Variants in MAP2K1 observed in about 807,000 individuals in gnomAD.
The protein encoded by MAP2K1 is dual specificity mitogen-activated protein kinase kinase 1.
MAP2K1 carries 16 observed loss-of-function variants against 46.3 expected under a neutral mutation model. The ratio of observed to expected loss-of-function variants is 0.35; its 90% confidence interval spans 0.23 to 0.52. The LOEUF is 0.52. MAP2K1 is among the 20% of genes least tolerant of loss of function. The pLI, the probability that MAP2K1 is intolerant of heterozygous loss-of-function variation, is 0.94. For synonymous variants in MAP2K1, 183 were observed against 185.6 expected (o/e 0.99, Z 0.11); for missense variants, 263 against 497.1 (o/e 0.53, Z 4.48).
chr15:66,489,600 A>C, intron 9 of MAP2K1, 118 bp from the exon 10 acceptor site: 1 of 833,656 alleles, frequency 1.2e-6, no homozygotes. Context: ...CAGGAGGATG[A>C]ATCAAGCCCA....
At chr15:66,388,096 C>T (rs1177229730) in intron 1 of MAP2K1, among the ~76,000 whole-genome samples, 2 of 152,142 alleles carry the variant, frequency 1.3e-5, no homozygotes, top group African/African-American at 4.8e-5. Flanking sequence ...TAATGATTTC[C>T]TAGCTTTCCG....
intron 5 of MAP2K1, among the ~76,000 whole-genome samples, chr15:66,467,357 G>A (rs1408363452): frequency 6.6e-6 from 1 of 152,188 alleles, no homozygotes; most frequent in Non-Finnish European, 1.5e-5. Context: ...CCTGGGCATA[G>A]ACAGAACTAA....
intron 5 of MAP2K1, 138 bp from the exon 6 acceptor site, chr15:66,481,617 C>T: frequency 1.0e-6 from 1 of 952,952 alleles, no homozygotes; most frequent in Non-Finnish European, 1.7e-6. Flanking sequence ...GTTTGCAAGC[C>T]AAGGGCTGCC....
intron 5 of MAP2K1, among the ~76,000 whole-genome samples, chr15:66,478,239 T>C (rs1892806608): frequency 7.0e-6 from 1 of 142,702 alleles, no homozygotes; most frequent in Non-Finnish European, 1.5e-5. Flanking sequence ...AGGGTTTTAT[T>C]ATATATATAT....
chr15:66,471,732 C>T (rs1222316028), intron 5 of MAP2K1, among the ~76,000 whole-genome samples: 1 of 152,028 alleles, frequency 6.6e-6, no homozygotes. Context: ...TAATTGTATC[C>T]AGGGACTCAA....
At position 66,489,378 on chromosome 15, in the gene MAP2K1, G is replaced by C. The variant is rs554792949; in HGVS notation, c.1022+102G>C. 1.0e-5 allele frequency: 12 copies of C among 1,145,950 alleles called. No individual in the cohort carries two copies. In the East Asian group the frequency reaches 2.6e-4, roughly 25 times the overall value. 71.0% of individuals were successfully genotyped at this position (1,145,950 alleles called of 1,614,324 possible). On this transcript the variant is annotated intron_variant, in intron 9 of 10. Transcript: ENST00000307102. Reference sequence around the variant, plus strand: ...GCATTGCTTCTGCAGGCAGAGTTTTGCCCTTTACCCTCCCGTCTGATGATT... The same window carrying C: ...GCATTGCTTCTGCAGGCAGAGTTTTCCCCTTTACCCTCCCGTCTGATGATT...
At chr15:66,436,337 C>T (rs1017789815) in intron 2 of MAP2K1, among the ~76,000 whole-genome samples, 3 of 152,202 alleles carry the variant, frequency 2.0e-5, no homozygotes, top group Non-Finnish European at 2.9e-5. Flanking sequence ...TAGTCTCAAC[C>T]ACATCAGGCT....
chr15:66,457,284 ATTT>A (rs1456852705), intron 5 of MAP2K1, among the ~76,000 whole-genome samples: 1 of 151,952 alleles, frequency 6.6e-6, no homozygotes, highest in Non-Finnish European at 1.5e-5. Context: ...ACGCCTGCTA[ATTT>A]TTTTGTATTT....
intron 1 of MAP2K1, among the ~76,000 whole-genome samples, chr15:66,396,425 A>G (rs2093367702): frequency 6.6e-6 from 1 of 151,662 alleles, no homozygotes; most frequent in African/African-American, 2.4e-5. Flanking sequence ...ACACACCACC[A>G]TGGCCGGCTA....
rs994661446 is a variant in MAP2K1, at chr15:66,456,825, G to T, written c.568+12118G>T. Among the ~76,000 whole-genome samples, 3 of 152,320 alleles carry T rather than the reference G, an allele frequency of 2.0e-5. No homozygotes were observed. In the East Asian group the frequency reaches 5.8e-4, roughly 29 times the overall value. On this transcript the variant is annotated intron_variant, in intron 5 of 10. Coordinates refer to ENST00000307102, the MANE Select transcript of MAP2K1 (RefSeq NM_002755.4). ...CCTAGCAGAAACAGTTGATGCTGGG[G>T]AGGAGTGTATCCCAAATGAAAAGGA... is the stretch of plus-strand genomic sequence containing the variant.
chr15:66,405,499 T>A lies in MAP2K1; in HGVS notation c.80+18072T>A, dbSNP rs138809021. Among the ~76,000 whole-genome samples the A allele has an allele frequency of 2.6e-5, 4 of 152,246 alleles. No individual in the cohort carries two copies. The East Asian group carries it at 5.8e-4, about 22-fold the overall frequency. ...ATTCAGTTTTGCCCCTTTATTTAAT[T>A]TTTTCCCCCTTTTATTCCACAAAGG... On this transcript the variant is annotated intron_variant, in intron 1 of 10. Coordinates refer to ENST00000307102, the MANE Select transcript of MAP2K1 (RefSeq NM_002755.4).
intron 1 of MAP2K1, among the ~76,000 whole-genome samples, chr15:66,408,452 G>A (rs1048838516): frequency 6.6e-6 from 1 of 152,184 alleles, no homozygotes; most frequent in East Asian, 1.9e-4. Context: ...CTCTAGGGCA[G>A]CCATCTGCCT....
chr15:66,437,572 C>A (rs942763583), intron 3 of MAP2K1, among the ~76,000 whole-genome samples: 3 of 152,198 alleles, frequency 2.0e-5, no homozygotes, highest in African/African-American at 7.2e-5. Context: ...GTTGTGCTTT[C>A]AGTCCAGTAT....
chr15:66,438,853 A>C (rs932437763), intron 3 of MAP2K1, among the ~76,000 whole-genome samples: 2 of 151,944 alleles, frequency 1.3e-5, no homozygotes, highest in Non-Finnish European at 2.9e-5. Context: ...CAGGCTTGGG[A>C]CTCGATGGGG....
At chr15:66,398,206 C>T (rs1049509327) in intron 1 of MAP2K1, among the ~76,000 whole-genome samples, 1 of 151,562 alleles carries the variant, frequency 6.6e-6, no homozygotes, top group Admixed American at 6.6e-5. Flanking sequence ...TGCTTGAGCC[C>T]AAGAGCTAGA....
chr15:66,457,270 C>T (rs1473773150), intron 5 of MAP2K1, among the ~76,000 whole-genome samples: 2 of 152,176 alleles, frequency 1.3e-5, no homozygotes, highest in Non-Finnish European at 2.9e-5. Context: ...AGGCATGTGC[C>T]ACTACGCCTG....
chr15:66,439,126 C>T (rs2093496786), intron 3 of MAP2K1, among the ~76,000 whole-genome samples: 1 of 152,170 alleles, frequency 6.6e-6, no homozygotes, highest in South Asian at 2.1e-4. Flanking sequence ...CCTGCCCTGG[C>T]TTCCTCTGGA....
intron 5 of MAP2K1, among the ~76,000 whole-genome samples, chr15:66,475,024 T>A (rs1431091403): frequency 6.6e-6 from 1 of 152,148 alleles, no homozygotes; most frequent in Non-Finnish European, 1.5e-5. Flanking sequence ...TCCCACCTAG[T>A]CTCTCAGCTG....
chr15:66,460,962 G>T (rs909358790), intron 5 of MAP2K1, among the ~76,000 whole-genome samples: 5 of 152,130 alleles, frequency 3.3e-5, no homozygotes, highest in South Asian at 2.1e-4. Context: ...AGGGCTGTAC[G>T]TGGAGAGCTG....
Sources: allele counts gnomAD v4.1 joint callset (sites outside exome capture counted in the v4.1 genomes callset), GRCh38; gene constraint gnomAD v4.1.1; transcripts MANE v1.5; gene names NCBI Gene and HGNC (gene_info 2026-07-23, HGNC 2026-07-21).